EFL1: variants seen among roughly 807,000 people sequenced by gnomAD.
EFL1 encodes elongation factor like GTPase 1.
A neutral mutation model predicts 126.7 loss-of-function variants in EFL1; 76 were observed. That is an observed-to-expected ratio of 0.60 (90% CI 0.50 to 0.73). The LOEUF is 0.73. Among genes scored for constraint, EFL1 ranks in the 30% least tolerant of loss-of-function variants. EFL1 has a pLI of 0.00. For synonymous variants in EFL1, 410 were observed against 448.4 expected (o/e 0.91, Z 1.08); for missense variants, 1,128 against 1,343.2 (o/e 0.84, Z 2.50).
chr15:82,139,398 T>C (rs1450394904), intron 18 of EFL1, among the ~76,000 whole-genome samples: 2 of 152,206 alleles, frequency 1.3e-5, no homozygotes, highest in Non-Finnish European at 2.9e-5. Flanking sequence ...TTTATTCCCC[T>C]GAAAACTGAT....
rs552737777 is a variant in EFL1, at chr15:82,190,020, G to A, written c.1750+24697C>T. ...TAGTCCCAGCTACTTGGGAGGCTGA[G>A]GTAGGAGAACCACTTGAACCCGGGA... On this transcript the variant is annotated intron_variant, in intron 15 of 19. Transcript: ENST00000268206. 1.9e-4 allele frequency among the ~76,000 whole-genome samples: 29 copies of A among 151,870 alleles called. No individual in the cohort carries two copies. The South Asian group carries it at 5.4e-3, about 28-fold the overall frequency.
intron 12 of EFL1, among the ~76,000 whole-genome samples, chr15:82,221,918 C>T (rs1448880574): frequency 6.6e-6 from 1 of 152,236 alleles, no homozygotes. Context: ...CACCAGCATT[C>T]ATGCCTTCCC....
chr15:82,200,739 T>A (rs1401784284), intron 15 of EFL1, among the ~76,000 whole-genome samples: 3 of 152,348 alleles, frequency 2.0e-5, no homozygotes, highest in East Asian at 3.9e-4. Flanking sequence ...CATTAAAACA[T>A]CACTACTCTG....
At chr15:82,163,083 T>C (rs764267823) in intron 16 of EFL1, among the ~76,000 whole-genome samples, 1 of 152,178 alleles carries the variant, frequency 6.6e-6, no homozygotes, top group African/African-American at 2.4e-5. Flanking sequence ...GTCAGGTATA[T>C]GTGAATGTCA....
At chr15:82,167,940 T>C (rs2074096293) in intron 15 of EFL1, among the ~76,000 whole-genome samples, 2 of 152,246 alleles carry the variant, frequency 1.3e-5, no homozygotes. Flanking sequence ...CTGTTTAAGC[T>C]GAATTAATGG....
chr15:82,223,648 T>C (rs549626135), intron 12 of EFL1, among the ~76,000 whole-genome samples: 2 of 152,344 alleles, frequency 1.3e-5, no homozygotes, highest in African/African-American at 2.4e-5. Flanking sequence ...ATATTCCCTA[T>C]GATTCTACCA....
At chr15:82,236,692 G>A (rs571429272) in intron 7 of EFL1, among the ~76,000 whole-genome samples, 20 of 152,264 alleles carry the variant, frequency 1.3e-4, no homozygotes, top group African/African-American at 4.6e-4. Flanking sequence ...AATGGGTCAT[G>A]GATTAAATGT....
chr15:82,140,466 T>A (rs1417132466), intron 18 of EFL1, among the ~76,000 whole-genome samples: 3 of 152,228 alleles, frequency 2.0e-5, no homozygotes, highest in African/African-American at 7.2e-5. Flanking sequence ...TCATTCTCTT[T>A]ATTTCAGTAT....
At chr15:82,168,466 T>C (rs200684244) in intron 15 of EFL1, among the ~76,000 whole-genome samples, 11 of 152,196 alleles carry the variant, frequency 7.2e-5, no homozygotes, top group Non-Finnish European at 1.2e-4. Context: ...CACTATGTCA[T>C]AAATTTTTTT....
chr15:82,181,030 A>C (rs2074246971), intron 15 of EFL1, among the ~76,000 whole-genome samples: 1 of 152,022 alleles, frequency 6.6e-6, no homozygotes, highest in Non-Finnish European at 1.5e-5. Flanking sequence ...TCCTGGCCTA[A>C]ATTTTTTTTT....
rs149846466 is a variant in EFL1, at chr15:82,247,901, G to A, written c.244+4790C>T. On this transcript the variant is annotated intron_variant, in intron 4 of 19. Transcript: ENST00000268206. ...ACGTAGGTAGTGTTGGCCACAAGAC[G>A]TGCATAACAATCCCTAGTGGAAAGG... 3.0e-3 allele frequency among the ~76,000 whole-genome samples: 450 copies of A among 152,150 alleles called. 1 individual carries two copies. The highest frequency in any genetic ancestry group is 6.8e-3 in the Middle Eastern group (2 of 294).
intron 8 of EFL1, 53 bp from the exon 9 acceptor site, chr15:82,229,163 T>C (rs2074795421): frequency 2.2e-6 from 3 of 1,345,700 alleles, no homozygotes; most frequent in African/African-American, 3.0e-5. Context: ...TAGGCATTTA[T>C]ATATTCCTTC....
rs189384383 is a variant in EFL1, at chr15:82,141,455, A to C, written c.2990-2613T>G. 9.9e-4 allele frequency among the ~76,000 whole-genome samples: 150 copies of C among 152,270 alleles called. 2 individuals carry two copies. In the Middle Eastern group the frequency reaches 0.01, roughly 10 times the overall value. ...GAGGCCAAGGCAGGCAGATCACTTG[A>C]GGTCAAGAGTTCAAGACCAGCCTGG... is the stretch of plus-strand genomic sequence containing the variant. On this transcript the variant is annotated intron_variant, in intron 18 of 19. Coordinates refer to ENST00000268206, the MANE Select transcript of EFL1 (RefSeq NM_024580.6).
intron 3 of EFL1, among the ~76,000 whole-genome samples, chr15:82,253,063 G>C (rs1474710652): frequency 6.6e-6 from 1 of 150,662 alleles, no homozygotes; most frequent in Admixed American, 6.6e-5. Flanking sequence ...TTTTGAGACA[G>C]AGTCTTATTC....
intron 4 of EFL1, among the ~76,000 whole-genome samples, chr15:82,249,288 T>C (rs2075000374): frequency 6.6e-6 from 1 of 151,432 alleles, no homozygotes; most frequent in Non-Finnish European, 1.5e-5. Flanking sequence ...ACATTTGAAA[T>C]ATATATATAA....
chr15:82,224,151 G>A (rs1236476499), intron 12 of EFL1, among the ~76,000 whole-genome samples: 5 of 152,164 alleles, frequency 3.3e-5, no homozygotes, highest in Non-Finnish European at 4.4e-5. Context: ...AGGTCATGGT[G>A]GGTCAGAAAT....
At chr15:82,161,706 T>G (rs1275281150) in intron 16 of EFL1, among the ~76,000 whole-genome samples, 1 of 152,214 alleles carries the variant, frequency 6.6e-6, no homozygotes, top group African/African-American at 2.4e-5. Context: ...TGTAAACACA[T>G]GAGGAAGTAC....
chr15:82,151,496 T>A lies in EFL1; in HGVS notation c.2958A>T (p.Thr986=), dbSNP rs772956617. Residue 986 remains threonine (T), a synonymous_variant, in exon 18 of 20, where the codon ACA becomes ACT. Coordinates refer to ENST00000268206, the MANE Select transcript of EFL1 (RefSeq NM_024580.6). ...CATCACCAGTGGCCATGATGTCACA[T>A]GTGTACATAGCTGCCATCAGGCGCT... ...KPQRLMAAMY[T]CDIMATGDVL... The A allele has an allele frequency of 1.1e-5, 17 of 1,613,390 alleles. No homozygotes were observed. Among genetic ancestry groups the A allele is most frequent in the Non-Finnish European group, 8.5e-7 (1 of 1,179,770 alleles).
chr15:82,209,316 GACACACACACACACAC>G (rs57128885), intron 15 of EFL1, among the ~76,000 whole-genome samples: 15 of 146,342 alleles, frequency 1.0e-4, no homozygotes, highest in South Asian at 6.8e-4. Context: ...CACAGACACA[GACACACACACACACAC>G]ACACACACAC....
Sources: allele counts gnomAD v4.1 joint callset (sites outside exome capture counted in the v4.1 genomes callset), GRCh38; gene constraint gnomAD v4.1.1; transcripts MANE v1.5; gene names NCBI Gene and HGNC (gene_info 2026-07-23, HGNC 2026-07-21).